The following LTBP1 variants were observed in gnomAD, a reference collection of about 807,000 sequenced individuals.
The protein encoded by LTBP1 is latent-transforming growth factor beta-binding protein 1.
Under a neutral mutation model 207.6 loss-of-function variants are expected in LTBP1, and 129 were observed. That is an observed-to-expected ratio of 0.62 (90% CI 0.54 to 0.72). The LOEUF is 0.72. Ranked by LOEUF, LTBP1 falls within the 30% of genes least tolerant of loss-of-function variation. The pLI is 0.00. For synonymous variants in LTBP1, 963 were observed against 833.7 expected, an observed-to-expected ratio of 1.16 and a Z score of -2.67; for missense variants, 2,281 against 2,217.2, an observed-to-expected ratio of 1.03 and a Z score of -0.58.
At chr2:33,185,381 T>G (rs1325268264) in intron 5 of LTBP1, among the ~76,000 whole-genome samples, 1 of 152,200 alleles carries the variant, frequency 6.6e-6, no homozygotes, top group Admixed American at 6.5e-5. Context: ...AGTTCAATTT[T>G]GAATTTGAGG....
chr2:33,150,720 T>C (rs1198501444), intron 5 of LTBP1, among the ~76,000 whole-genome samples: 17 of 117,344 alleles, frequency 1.4e-4, no homozygotes, highest in Admixed American at 5.8e-4. Context: ...CTTTTTTTTT[T>C]TTTTTTTTTT....
chr2:33,255,515 A>G (rs1231173342), intron 11 of LTBP1, among the ~76,000 whole-genome samples: 2 of 152,190 alleles, frequency 1.3e-5, no homozygotes, highest in Admixed American at 6.5e-5. Flanking sequence ...TCATGCTGCT[A>G]TAAAGACACA....
At chr2:33,288,869 A>C (rs1018358739) in intron 19 of LTBP1, among the ~76,000 whole-genome samples, 6 of 151,924 alleles carry the variant, frequency 3.9e-5, no homozygotes, top group African/African-American at 1.2e-4. Flanking sequence ...AAAAAAAAAA[A>C]AGAAAAAAGA....
At chr2:33,059,059 C>T (rs2077144678) in intron 3 of LTBP1, among the ~76,000 whole-genome samples, 1 of 152,166 alleles carries the variant, frequency 6.6e-6, no homozygotes, top group Admixed American at 6.5e-5. Context: ...GTTTGTCTTA[C>T]AGGAGCAGAA....
At position 33,263,403 on chromosome 2, in the gene LTBP1, T is replaced by C. The variant is rs764441778; in HGVS notation, c.2617+11T>C. The stretch of plus-strand genomic sequence containing the variant: ...CTACTCAAGTGACAGGTTGGTGCAG[T>C]ATTTTTACATTATATATCACATGGA... On this transcript the variant is annotated intron_variant, in intron 15 of 33. Transcript: ENST00000404816. 2 of 1,594,738 alleles carry C rather than the reference T, an allele frequency of 1.3e-6. No individual in the cohort carries two copies. The highest frequency in any genetic ancestry group is 2.2e-5 in the East Asian group (1 of 44,788).
chr2:33,313,375 G>A (rs978535820), intron 23 of LTBP1, among the ~76,000 whole-genome samples: 4 of 152,180 alleles, frequency 2.6e-5, no homozygotes, highest in African/African-American at 4.8e-5. Context: ...TCTGTTGCAC[G>A]GGAAGATCAA....
chr2:33,372,732 C>T (rs1039021526), intron 31 of LTBP1, among the ~76,000 whole-genome samples: 5 of 152,130 alleles, frequency 3.3e-5, no homozygotes, highest in South Asian at 2.1e-4. Context: ...GGCATGGTGG[C>T]GCATGCCTGC....
intron 7 of LTBP1, among the ~76,000 whole-genome samples, chr2:33,199,416 A>C (rs1174541218): frequency 6.6e-6 from 1 of 152,136 alleles, no homozygotes; most frequent in Non-Finnish European, 1.5e-5. Context: ...CTTTGACAAA[A>C]TTCAACAACC....
intron 2 of LTBP1, among the ~76,000 whole-genome samples, chr2:33,004,267 T>A (rs79071786): frequency 0.044 from 6,750 of 152,120 alleles, 506 homozygotes; most frequent in East Asian, 0.28. Flanking sequence ...GTTTTAATCC[T>A]AGGGTAAGGT....
intron 31 of LTBP1, among the ~76,000 whole-genome samples, chr2:33,379,219 T>C (rs1035876628): frequency 4.5e-4 from 46 of 101,982 alleles, no homozygotes; most frequent in African/African-American, 1.7e-3. Context: ...TTTTTTTTTT[T>C]CTTTTTCCAA....
intron 3 of LTBP1, among the ~76,000 whole-genome samples, chr2:33,053,298 G>A (rs219072): frequency 0.98 from 149,102 of 152,294 alleles, 73,067 homozygotes; most frequent in East Asian, 1. Flanking sequence ...TTCTCCCATT[G>A]TCAACATCTA....
intron 11 of LTBP1, among the ~76,000 whole-genome samples, chr2:33,253,360 C>A (rs898926806): frequency 2.0e-5 from 3 of 152,194 alleles, no homozygotes; most frequent in African/African-American, 7.2e-5. Context: ...CTGAAAACTT[C>A]TGTGGGAGTT....
chr2:33,336,107 T>C (rs921716329), intron 24 of LTBP1, among the ~76,000 whole-genome samples: 1 of 152,142 alleles, frequency 6.6e-6, no homozygotes, highest in African/African-American at 2.4e-5. Flanking sequence ...TGATATTTCT[T>C]GTATTAAAGG....
chr2:33,325,161 A>T (rs1215204888), intron 24 of LTBP1, among the ~76,000 whole-genome samples: 1 of 152,186 alleles, frequency 6.6e-6, no homozygotes, highest in Non-Finnish European at 1.5e-5. Flanking sequence ...GCTTTAAGTC[A>T]TTCCCTGTAT....
chr2:33,287,096 A>AAACAAC (rs60436290), intron 19 of LTBP1, among the ~76,000 whole-genome samples: 27 of 151,504 alleles, frequency 1.8e-4, no homozygotes, highest in African/African-American at 3.4e-4. Context: ...AATAAAATAA[A>AAACAAC]AACAACAACA....
At chr2:33,080,431 G>C (rs1217425517) in intron 3 of LTBP1, among the ~76,000 whole-genome samples, 2 of 152,112 alleles carry the variant, frequency 1.3e-5, no homozygotes, top group Admixed American at 1.3e-4. Context: ...CTGTTTGTCT[G>C]TTGTCTACTT....
chr2:33,255,464 C>T (rs1367797980), intron 11 of LTBP1, among the ~76,000 whole-genome samples: 1 of 152,084 alleles, frequency 6.6e-6, no homozygotes, highest in African/African-American at 2.4e-5. Context: ...CCATTTGACC[C>T]AGCCATCCCA....
At chr2:33,073,695 C>T (rs1433140657) in intron 3 of LTBP1, among the ~76,000 whole-genome samples, 2 of 152,044 alleles carry the variant, frequency 1.3e-5, no homozygotes, top group East Asian at 1.9e-4. Context: ...GACACAATCT[C>T]AGCTAACTGT....
At chr2:33,114,654 G>A (rs1171963131) in intron 4 of LTBP1, among the ~76,000 whole-genome samples, 1 of 152,170 alleles carries the variant, frequency 6.6e-6, no homozygotes. Context: ...GAAGCTGCTT[G>A]TGTTAGATAA....
Sources: allele counts gnomAD v4.1 joint callset (sites outside exome capture counted in the v4.1 genomes callset), GRCh38; gene constraint gnomAD v4.1.1; transcripts MANE v1.5; gene names NCBI Gene and HGNC (gene_info 2026-07-23, HGNC 2026-07-21).